The following ITPR1 variants were observed in gnomAD, a reference collection of about 807,000 sequenced individuals.
The protein encoded by ITPR1 is inositol 1,4,5-trisphosphate-gated calcium channel ITPR1.
ITPR1 carries 96 observed loss-of-function variants against 318.4 expected under a neutral mutation model. The ratio of observed to expected loss-of-function variants is 0.30; its 90% CI spans 0.26 to 0.36. The LOEUF (loss-of-function observed/expected upper bound fraction) is 0.36, where lower values mean the gene tolerates loss of function less well. Among genes scored for constraint, ITPR1 ranks in the 10% least tolerant of loss-of-function variants. The probability of loss-of-function intolerance (pLI) is 1.00; values close to 1 mark genes in which losing one functional copy is unlikely to be tolerated. For missense variants in ITPR1, 2,440 were observed against 3,460.2 expected, an observed-to-expected ratio of 0.71 and a Z score of 7.40; for synonymous variants, 1,312 against 1,289.9, an observed-to-expected ratio of 1.02 and a Z score of -0.37.
intron 39 of ITPR1, among the ~76,000 whole-genome samples, chr3:4,713,863 T>G (rs1339780464): frequency 6.6e-6 from 1 of 152,104 alleles, no homozygotes; most frequent in Non-Finnish European, 1.5e-5. Flanking sequence ...TCCATGAATG[T>G]GAACAAACTA....
intron 5 of ITPR1, 38 bp downstream of exon 5, chr3:4,627,916 G>T: frequency 7.9e-7 from 1 of 1,270,620 alleles, no homozygotes; most frequent in South Asian, 1.4e-5. Context: ...GGGCAGTAGT[G>T]AGTGGCTGCC....
intron 4 of ITPR1, among the ~76,000 whole-genome samples, chr3:4,564,739 A>G (rs569591588): frequency 3.3e-5 from 5 of 152,234 alleles, no homozygotes; most frequent in African/African-American, 1.2e-4. Context: ...TCTGAGAAAT[A>G]CATTTCTGTT....
chr3:4,622,973 G>A (rs2092697213), intron 4 of ITPR1, among the ~76,000 whole-genome samples: 1 of 152,154 alleles, frequency 6.6e-6, no homozygotes, highest in Admixed American at 6.5e-5. Flanking sequence ...TGGGGAGGAG[G>A]GCATGGACAC....
chr3:4,773,784 A>G (rs989855237), intron 46 of ITPR1, among the ~76,000 whole-genome samples: 6 of 152,172 alleles, frequency 3.9e-5, no homozygotes, highest in African/African-American at 1.4e-4. Flanking sequence ...CCCTTAGAGA[A>G]ACAATCGAGC....
At position 4,526,578 on chromosome 3, in the gene ITPR1, A is replaced by C. The variant is rs532221407; in HGVS notation, c.163+5484A>C. Among the ~76,000 whole-genome samples the C allele has an allele frequency of 3.9e-5, 6 of 152,358 alleles. No homozygotes were observed. The East Asian group carries it at 1.2e-3, about 29-fold the overall frequency. ...CATGGAGAAACAGACCCACATTATA[A>C]GTTACAATAGCCAATGTTAATACAG... On this transcript the variant is annotated intron_variant, in intron 4 of 61. Coordinates refer to ENST00000649015, the MANE Select transcript of ITPR1 (RefSeq NM_001378452.1).
Position 4,768,652 on chromosome 3 carries a change from C to T in ITPR1, c.5867C>T (p.Ala1956Val), listed in dbSNP as rs769041115. 43 of 1,614,036 alleles carry T rather than the reference C, an allele frequency of 2.7e-5. No homozygotes were observed. Among genetic ancestry groups the T allele is most frequent in the Non-Finnish European group, 3.6e-5 (42 of 1,179,898 alleles). Residue 1956 changes from alanine to valine, a missense_variant, in exon 46 of 62, where the codon GCC becomes GTC. Physicochemically the swap from Ala to Val is moderately conservative, Grantham distance 64 (BLOSUM62 0). This residue lies in a region of ITPR1 where 113 missense variants were observed against 103.6 expected (regional missense o/e 1.09). Coordinates refer to ENST00000649015, the MANE Select transcript of ITPR1 (RefSeq NM_001378452.1). ...DHYQPGEGTQ[A>V]TADKAKDDLE... ...TACCAGCCTGGAGAGGGCACCCAGG[C>T]CACTGCCGACAAGGCCAAGGACGAC...
chr3:4,751,992 A>G (rs1180947017), intron 44 of ITPR1, among the ~76,000 whole-genome samples: 1 of 152,062 alleles, frequency 6.6e-6, no homozygotes, highest in Non-Finnish European at 1.5e-5. Context: ...CCTCTTTGAA[A>G]CTGTCAGAGG....
intron 40 of ITPR1, among the ~76,000 whole-genome samples, chr3:4,725,285 T>G (rs970433592): frequency 2.0e-5 from 3 of 152,114 alleles, no homozygotes; most frequent in Non-Finnish European, 4.4e-5. Context: ...AGTGGTAGAC[T>G]TTTTTTGTTT....
chr3:4,556,381 T>C (rs576998827), intron 4 of ITPR1, among the ~76,000 whole-genome samples: 3 of 152,326 alleles, frequency 2.0e-5, no homozygotes, highest in Middle Eastern at 3.4e-3. Flanking sequence ...TTTGGACAAA[T>C]GTATAATGGG....
intron 44 of ITPR1, among the ~76,000 whole-genome samples, chr3:4,763,867 G>A (rs1023171037): frequency 1.1e-4 from 17 of 152,358 alleles, no homozygotes; most frequent in Admixed American, 4.6e-4. Flanking sequence ...TGTGTGTCGC[G>A]TGGCGCTGCT....
intron 35 of ITPR1, among the ~76,000 whole-genome samples, chr3:4,701,327 T>C (rs190742560): frequency 3.9e-5 from 6 of 152,236 alleles, no homozygotes; most frequent in African/African-American, 1.4e-4. Context: ...AGGCTAAATA[T>C]GTATAAAGTG....
intron 4 of ITPR1, among the ~76,000 whole-genome samples, chr3:4,619,444 T>A (rs1268922921): frequency 6.6e-6 from 1 of 151,796 alleles, no homozygotes; most frequent in Admixed American, 6.6e-5. Flanking sequence ...TTCCTTCCTT[T>A]CCTTTCCTCC....
At chr3:4,684,885 G>A (rs768049890) in intron 29 of ITPR1, among the ~76,000 whole-genome samples, 184 bp from the exon 30 acceptor site, 2 of 152,232 alleles carry the variant, frequency 1.3e-5, no homozygotes, top group Non-Finnish European at 2.9e-5. Context: ...TCTGGAAGAC[G>A]TGACCTTAGT....
rs1202060797 is a variant in ITPR1, at chr3:4,727,140, T to A, written c.5187T>A (p.Ser1729Arg). Residue 1729 changes from serine to arginine, a missense_variant, in exon 42 of 62, where the codon AGT becomes AGA. By Grantham distance (110) the Ser-to-Arg change is moderately radical (BLOSUM62 -1). Coordinates refer to ENST00000649015, the MANE Select transcript of ITPR1 (RefSeq NM_001378452.1). ...SENATEELEP[S>R]PPLRQLEDHK... ...ATGCCTAGCAGGAGCTTGAACCAAG[T>A]CCACCCCTGCGGCAGCTGGAAGACC... is the stretch of plus-strand genomic sequence containing the variant. 2 of 1,598,146 alleles carry A rather than the reference T, an allele frequency of 1.3e-6. No homozygotes were observed. The highest frequency in any genetic ancestry group is 2.2e-5 in the South Asian group (2 of 90,894).
At chr3:4,494,805 G>C (rs1216753234) in intron 2 of ITPR1, among the ~76,000 whole-genome samples, 1 of 152,216 alleles carries the variant, frequency 6.6e-6, no homozygotes, top group Non-Finnish European at 1.5e-5. Context: ...TGAAAAGCAT[G>C]CTGATGATTT....
At chr3:4,534,989 T>C (rs987418698) in intron 4 of ITPR1, among the ~76,000 whole-genome samples, 16 of 152,216 alleles carry the variant, frequency 1.1e-4, no homozygotes, top group Non-Finnish European at 4.4e-5. Context: ...AATTTGACCT[T>C]AGCTACAATA....
At chr3:4,610,312 A>G (rs1374511459) in intron 4 of ITPR1, among the ~76,000 whole-genome samples, 1 of 152,144 alleles carries the variant, frequency 6.6e-6, no homozygotes, top group Admixed American at 6.5e-5. Flanking sequence ...CTCGGGGACC[A>G]GGTTTTATTG....
chr3:4,709,454 T>TAAG (rs1165357375), intron 37 of ITPR1, among the ~76,000 whole-genome samples: 1 of 152,246 alleles, frequency 6.6e-6, no homozygotes, highest in Non-Finnish European at 1.5e-5. Context: ...TTAAGCAGCT[T>TAAG]TTCCCATGCA....
At chr3:4,591,356 G>C (rs1234604676) in intron 4 of ITPR1, among the ~76,000 whole-genome samples, 2 of 152,088 alleles carry the variant, frequency 1.3e-5, no homozygotes, top group Admixed American at 6.5e-5. Flanking sequence ...AGTGTGTAAG[G>C]GTTCCCTTTT....
Sources: gnomAD v4.1 joint callset for allele counts (sites outside exome capture counted in the v4.1 genomes callset) on GRCh38, gnomAD v4.1.1 for gene constraint, gnomAD v4.1.1 regional missense constraint, MANE v1.5 for transcripts, NCBI Gene and HGNC (gene_info 2026-07-23, HGNC 2026-07-21) for gene names.